AHCY: variants seen among roughly 807,000 people sequenced by gnomAD.
AHCY encodes the protein S-adenosyl-L-homocysteine hydrolase.
AHCY carries 24 observed loss-of-function variants against 45.4 expected under a neutral mutation model. The observed-to-expected ratio is 0.53, with a 90% CI of 0.38 to 0.74. The LOEUF (loss-of-function observed/expected upper bound fraction) is 0.74, where lower values mean the gene tolerates loss of function less well. AHCY is among the 30% of genes least tolerant of loss of function. AHCY has a pLI of 0.00. For synonymous variants in AHCY, 245 were observed against 235.1 expected, an observed-to-expected ratio of 1.04 and a Z score of -0.39; for missense variants, 449 against 594.1, an observed-to-expected ratio of 0.76 and a Z score of 2.54.
chr20:34,251,427 C>T, the AHCY span, among the ~76,000 whole-genome samples: 5 of 151,926 alleles, frequency 3.3e-5, no homozygotes, highest in South Asian at 6.2e-4. Flanking sequence ...CCCGCCACCA[C>T]GCCCGGCTGA....
the AHCY span, among the ~76,000 whole-genome samples, chr20:34,250,787 G>A: frequency 6.6e-6 from 1 of 152,152 alleles, no homozygotes; most frequent in East Asian, 1.9e-4. Flanking sequence ...GTCTCAGTAG[G>A]TACTTAGCCA....
chr20:34,259,334 G>A, the AHCY span, among the ~76,000 whole-genome samples: 1 of 152,008 alleles, frequency 6.6e-6, no homozygotes, highest in Non-Finnish European at 1.5e-5. Context: ...CCAACATGGT[G>A]AAATCCCGTC....
intron 1 of AHCY, among the ~76,000 whole-genome samples, chr20:34,308,562 AT>A (rs1003536386): frequency 7.2e-5 from 11 of 151,998 alleles, no homozygotes; most frequent in African/African-American, 2.7e-4. Context: ...GAAAAAGAAA[AT>A]TTTTTTTAAG....
chr20:34,295,704 GTCACCGCATTCTC>G, intron 1 of AHCY, 119 bp from the exon 2 acceptor site: 1 of 1,011,614 alleles, frequency 9.9e-7, no homozygotes, highest in Non-Finnish European at 1.5e-6. Context: ...TTAGCACTCT[GTCACCGCATTCTC>G]TCACTCATGC....
rs1255287886 is a variant in AHCY, at chr20:34,280,923, G to A, written c.*111C>T. 8.2e-5 allele frequency: 123 copies of A among 1,500,540 alleles called. 2 individuals are homozygous for A. Among genetic ancestry groups the A allele is most frequent in the South Asian group, 4.5e-4 (38 of 84,098 alleles). The allele number at this position is 1,500,540 out of a possible 1,614,324, so 93.0% of individuals were successfully genotyped here. ...ACTAAGTGATCAGCCCCAGAGAGTC[G>A]ATGGGGGACACTGACAAACCAATCA... is the stretch of plus-strand genomic sequence containing the variant. On this transcript the variant is annotated 3_prime_UTR_variant, in exon 10 of 10. Coordinates refer to ENST00000217426, the MANE Select transcript of AHCY (RefSeq NM_000687.4).
At chr20:34,251,724 G>A in the AHCY span, among the ~76,000 whole-genome samples, 1 of 152,100 alleles carries the variant, frequency 6.6e-6, no homozygotes, top group Non-Finnish European at 1.5e-5. Flanking sequence ...AAGGAGGTGG[G>A]GCCTTTTGGA....
chr20:34,311,715 G>C (rs2036951035), exon 1 of AHCY: 3 of 152,824 alleles, frequency 2.0e-5, no homozygotes, highest in East Asian at 1.9e-4. Context: ...GATGGAGCCG[G>C]ATTAAGCAGT....
At chr20:34,237,226 C>T in the AHCY span, among the ~76,000 whole-genome samples, 1 of 151,266 alleles carries the variant, frequency 6.6e-6, no homozygotes, top group Non-Finnish European at 1.5e-5. Flanking sequence ...TTTGAGATTC[C>T]ATACAAATTT....
the AHCY span, among the ~76,000 whole-genome samples, chr20:34,251,757 A>C: frequency 6.6e-6 from 1 of 152,198 alleles, no homozygotes; most frequent in Non-Finnish European, 1.5e-5. Context: ...ATGGTGGCAG[A>C]GCCCTCATGA....
At chr20:34,268,075 T>C in the AHCY span, among the ~76,000 whole-genome samples, 1 of 152,196 alleles carries the variant, frequency 6.6e-6, no homozygotes, top group Non-Finnish European at 1.5e-5. Context: ...GGAAGAATAT[T>C]TTTATATTGC....
chr20:34,292,671 T>C (rs1052074988), intron 3 of AHCY, among the ~76,000 whole-genome samples, 164 bp from the exon 4 acceptor site: 4 of 152,214 alleles, frequency 2.6e-5, no homozygotes, highest in Admixed American at 6.5e-5. Context: ...TGGAGCCAGA[T>C]AGATCTGAGT....
At chr20:34,234,502 CTCCTTCCT>C in the AHCY span, among the ~76,000 whole-genome samples, 49 of 151,206 alleles carry the variant, frequency 3.2e-4, no homozygotes, top group East Asian at 1.6e-3. Context: ...CTTTTCTTTT[CTCCTTCCT>C]TCCTTCCTTC....
the AHCY span, among the ~76,000 whole-genome samples, chr20:34,238,067 A>G: frequency 6.6e-6 from 1 of 152,312 alleles, no homozygotes; most frequent in East Asian, 1.9e-4. Flanking sequence ...TGCTGCTTCC[A>G]AGATTTTATC....
chr20:34,304,286 C>G (rs1357662588), upstream of AHCY, among the ~76,000 whole-genome samples: 1 of 152,148 alleles, frequency 6.6e-6, no homozygotes, highest in South Asian at 2.1e-4. Context: ...TCAGTCATCC[C>G]AGGCATGGGA....
At chr20:34,268,616 G>A in the AHCY span, among the ~76,000 whole-genome samples, 1 of 151,866 alleles carries the variant, frequency 6.6e-6, no homozygotes, top group Non-Finnish European at 1.5e-5. Flanking sequence ...CGCACATGTG[G>A]TCCCAGCTAC....
chr20:34,245,123 C>T, the AHCY span, among the ~76,000 whole-genome samples: 220 of 151,918 alleles, frequency 1.4e-3, no homozygotes, highest in East Asian at 4.7e-3. Context: ...ATCACGAGGT[C>T]AGGAGTTCGA....
At chr20:34,306,262 A>G (rs1240750202), upstream of AHCY, among the ~76,000 whole-genome samples, 1 of 152,124 alleles carries the variant, frequency 6.6e-6, no homozygotes, top group East Asian at 1.9e-4. Context: ...GTCTCAGGAG[A>G]AGGTCTAAGC....
At chr20:34,271,715 G>A in the AHCY span, among the ~76,000 whole-genome samples, 8 of 151,870 alleles carry the variant, frequency 5.3e-5, no homozygotes, top group Non-Finnish European at 8.8e-5. Flanking sequence ...ACAGGCATGC[G>A]CCAACACACC....
At chr20:34,235,992 GA>G in the AHCY span, among the ~76,000 whole-genome samples, 1 of 100,376 alleles carries the variant, frequency 1.0e-5, no homozygotes, top group African/African-American at 7.2e-5. Context: ...AGGAAAGAAG[GA>G]AGGAAGGAGA....
Sources: allele counts gnomAD v4.1 joint callset (sites outside exome capture counted in the v4.1 genomes callset), GRCh38; gene constraint gnomAD v4.1.1; transcripts MANE v1.5; gene names NCBI Gene and HGNC (gene_info 2026-07-23, HGNC 2026-07-21).